The following ERC2 variants were observed in gnomAD, a reference collection of about 807,000 sequenced individuals.
The protein encoded by ERC2 is ELKS/RAB6-interacting/CAST family member 2.
A neutral mutation model predicts 114.8 loss-of-function variants in ERC2; 42 were observed. The ratio of observed to expected loss-of-function variants is 0.37; its 90% CI spans 0.29 to 0.47. The LOEUF (loss-of-function observed/expected upper bound fraction) is 0.47. ERC2 is among the 20% of genes least tolerant of loss of function. ERC2 has a pLI of 0.99. For missense variants in ERC2, 939 were observed against 1,150.7 expected (o/e 0.82, Z 2.66); for synonymous variants, 454 against 425.5 (o/e 1.07, Z -0.82).
intron 14 of ERC2, among the ~76,000 whole-genome samples, chr3:55,744,754 T>A (rs2066201957): frequency 6.6e-6 from 1 of 152,376 alleles, no homozygotes; most frequent in East Asian, 1.9e-4. Flanking sequence ...GCTTTCATTC[T>A]TTTGTTGCTT....
At chr3:56,214,258 G>A (rs573285713) in intron 3 of ERC2, among the ~76,000 whole-genome samples, 9 of 152,164 alleles carry the variant, frequency 5.9e-5, no homozygotes, top group East Asian at 5.8e-4. Flanking sequence ...AAGATTAGAC[G>A]AATGGATAAC....
intron 3 of ERC2, among the ~76,000 whole-genome samples, chr3:56,190,175 C>T (rs764035504): frequency 1.3e-5 from 2 of 152,296 alleles, no homozygotes; most frequent in South Asian, 4.1e-4. Context: ...ACAGTGGTCC[C>T]TTCCTCCTAT....
chr3:56,196,736 C>A (rs753755156), intron 3 of ERC2, among the ~76,000 whole-genome samples: 1 of 152,124 alleles, frequency 6.6e-6, no homozygotes, highest in African/African-American at 2.4e-5. Flanking sequence ...TGTGGCTTGA[C>A]GAGGCCTAGC....
chr3:55,967,857 T>TTGCCTTTC (rs895189655), intron 12 of ERC2, among the ~76,000 whole-genome samples: 11 of 152,294 alleles, frequency 7.2e-5, no homozygotes, highest in East Asian at 3.9e-4. Context: ...TTGCCCTCTC[T>TTGCCTTTC]TGCCTTTCTG....
At chr3:56,074,382 G>C (rs9845373) in intron 7 of ERC2, among the ~76,000 whole-genome samples, 29,778 of 151,950 alleles carry the variant, frequency 0.2, 3,268 homozygotes, top group African/African-American at 0.29. Flanking sequence ...AAGGGTTCAA[G>C]AAATAGTATA....
intron 2 of ERC2, among the ~76,000 whole-genome samples, chr3:56,327,527 T>G (rs550188796): frequency 3.6e-4 from 55 of 152,278 alleles, no homozygotes; most frequent in African/African-American, 1.3e-3. Flanking sequence ...ATATCACTAC[T>G]TAGCTGGGCA....
chr3:55,559,613 G>T (rs2055865429), intron 17 of ERC2, among the ~76,000 whole-genome samples: 1 of 152,202 alleles, frequency 6.6e-6, no homozygotes, highest in Admixed American at 6.5e-5. Flanking sequence ...CACTGTGCTG[G>T]GCTAGACTGT....
intron 10 of ERC2, among the ~76,000 whole-genome samples, chr3:56,004,835 C>T (rs2072349977): frequency 2.6e-5 from 4 of 151,890 alleles, no homozygotes; most frequent in Admixed American, 2.6e-4. Context: ...AGTCACGTAC[C>T]CTTTTATTTA....
Position 56,298,741 on chromosome 3 carries a change from C to A in ERC2, c.658-2306G>T, listed in dbSNP as rs141551813. Among the ~76,000 whole-genome samples, 190 of 152,198 alleles carry A rather than the reference C, an allele frequency of 1.2e-3. 3 individuals are homozygous for A. The East Asian group carries it at 0.019, about 15-fold the overall frequency. On this transcript the variant is annotated intron_variant, in intron 2 of 17. Transcript: ENST00000288221. The stretch of plus-strand genomic sequence containing the variant: ...GGGGACTCTAAAGGGTATGGGGCAT[C>A]TTCTAGGGTGATGAAAATGTTCTCA...
At position 56,084,503 on chromosome 3, in the gene ERC2, A is replaced by G. The variant is rs549691007; in HGVS notation, c.1474-3519T>C. Among the ~76,000 whole-genome samples, 160 of 152,306 alleles carry G rather than the reference A, an allele frequency of 1.1e-3. 1 individual carries two copies. The Middle Eastern group carries it at 0.014, about 13-fold the overall frequency. On this transcript the variant is annotated intron_variant, in intron 6 of 17. Transcript: ENST00000288221. Reference sequence around the variant, plus strand: ...AGATAAGAGTAGATAAAGTATGATAACAAATAAGATATATATATGATAAGA... The same window carrying G: ...AGATAAGAGTAGATAAAGTATGATAGCAAATAAGATATATATATGATAAGA...
intron 17 of ERC2, among the ~76,000 whole-genome samples, chr3:55,623,302 A>C (rs2059392794): frequency 6.6e-6 from 1 of 152,180 alleles, no homozygotes; most frequent in African/African-American, 2.4e-5. Flanking sequence ...TGCTCAATAA[A>C]TGTTAGCTGT....
chr3:56,413,061 G>A (rs1425645662), intron 2 of ERC2, among the ~76,000 whole-genome samples: 1 of 152,184 alleles, frequency 6.6e-6, no homozygotes, highest in African/African-American at 2.4e-5. Flanking sequence ...GGAAAAAGGA[G>A]TGCCTAATAT....
intron 17 of ERC2, among the ~76,000 whole-genome samples, chr3:55,569,959 G>C (rs947558315): frequency 3.3e-5 from 5 of 150,262 alleles, no homozygotes; most frequent in African/African-American, 4.9e-5. Flanking sequence ...CCGGGTTCAA[G>C]CGATTTCTCC....
chr3:55,983,400 G>A (rs2070320265), intron 12 of ERC2, among the ~76,000 whole-genome samples: 1 of 152,134 alleles, frequency 6.6e-6, no homozygotes, highest in South Asian at 2.1e-4. Context: ...ACAATACAGA[G>A]ATCCTGACAA....
chr3:55,921,027 A>C (rs1251310071), intron 13 of ERC2, among the ~76,000 whole-genome samples: 2 of 152,120 alleles, frequency 1.3e-5, no homozygotes, highest in Non-Finnish European at 2.9e-5. Flanking sequence ...GGGAATGCAG[A>C]AACCTCTGAG....
chr3:56,247,147 G>T (rs954265207), intron 3 of ERC2, among the ~76,000 whole-genome samples: 1 of 152,110 alleles, frequency 6.6e-6, no homozygotes, highest in African/African-American at 2.4e-5. Flanking sequence ...CCATTAGTAG[G>T]ACAAAACACC....
intron 14 of ERC2, among the ~76,000 whole-genome samples, chr3:55,862,822 A>ATGGT (rs1248408514): frequency 1.3e-5 from 2 of 152,192 alleles, no homozygotes; most frequent in African/African-American, 4.8e-5. Context: ...TGACTGAATT[A>ATGGT]TGGTTTTATC....
chr3:56,190,013 A>G (rs531399804), intron 3 of ERC2, among the ~76,000 whole-genome samples: 1 of 152,368 alleles, frequency 6.6e-6, no homozygotes, highest in Non-Finnish European at 1.5e-5. Flanking sequence ...AAAATGGTTC[A>G]TCTTTAGCAT....
At chr3:55,735,053 AG>A in intron 14 of ERC2, 135 bp from the exon 15 acceptor site, 1 of 967,126 alleles carries the variant, frequency 1.0e-6, no homozygotes, top group Non-Finnish European at 1.5e-6. Flanking sequence ...AAAACAAACT[AG>A]CTCTTTGGCT....
Sources: gnomAD v4.1 joint callset for allele counts (sites outside exome capture counted in the v4.1 genomes callset) on GRCh38, gnomAD v4.1.1 for gene constraint, MANE v1.5 for transcripts, NCBI Gene and HGNC (gene_info 2026-07-23, HGNC 2026-07-21) for gene names.